The following ZNF207 variants were observed in gnomAD, a reference collection of about 807,000 sequenced individuals.
ZNF207 encodes the protein zinc finger protein 207.
Under a neutral mutation model 60.2 loss-of-function variants are expected in ZNF207, and 24 were observed. The ratio of observed to expected loss-of-function variants is 0.40; its 90% CI spans 0.29 to 0.56. The LOEUF is 0.56. Among genes scored for constraint, ZNF207 ranks in the 20% least tolerant of loss-of-function variants. The pLI, the probability that ZNF207 is intolerant of heterozygous loss-of-function variation, is 0.49. For missense variants in ZNF207, 452 were observed against 636.6 expected, an observed-to-expected ratio of 0.71 and a Z score of 3.12; for synonymous variants, 236 against 194.7, an observed-to-expected ratio of 1.21 and a Z score of -1.77.
Position 32,371,171 on chromosome 17 carries a change from T to C in ZNF207, c.*1412T>C, listed in dbSNP as rs1008106414. The C allele has an allele frequency of 6.6e-6, 1 of 152,230 alleles. No individual in the cohort carries two copies. The highest frequency in any genetic ancestry group is 1.5e-5 in the Non-Finnish European group (1 of 68,042). 9.4% of individuals were successfully genotyped at this position (152,230 alleles called of 1,614,324 possible). Reference sequence around the variant, plus strand: ...GGGTAGTTTTATGATTTTTTAGGCATCAAATAACCTATGCAAAGTATTAAT... The same window carrying C: ...GGGTAGTTTTATGATTTTTTAGGCACCAAATAACCTATGCAAAGTATTAAT... On this transcript the variant is annotated 3_prime_UTR_variant, in exon 12 of 12. Coordinates refer to ENST00000394670, the MANE Select transcript of ZNF207 (RefSeq NM_001098507.2).
chr17:32,367,251 AT>A lies in ZNF207; in HGVS notation c.921+495del, dbSNP rs1567824737. ...AATTTGGAGGGGATTATATATATATATATATATATATATATATATATATATA... is the reference window on the plus strand; with the variant it reads ...AATTTGGAGGGGATTATATATATATAATATATATATATATATATATATATA... On this transcript the variant is annotated intron_variant, in intron 9 of 11. Transcript: ENST00000394670. 1.2e-3 allele frequency among the ~76,000 whole-genome samples: 106 copies of A among 88,106 alleles called. 5 individuals are homozygous for A. Among genetic ancestry groups the A allele is most frequent in the African/African-American group, 5.2e-3 (104 of 19,908 alleles). The allele number at this position is 88,106 out of a possible 152,430, so 57.8% of individuals were successfully genotyped here.
chr17:32,368,170 T>C, intron 10 of ZNF207, 156 bp downstream of exon 10: 2 of 1,057,636 alleles, frequency 1.9e-6, no homozygotes, highest in South Asian at 3.4e-5. Context: ...TAAGAAATCA[T>C]AAAATACTTA....
At chr17:32,360,062 A>G (rs1167727353) in intron 3 of ZNF207, among the ~76,000 whole-genome samples, 2 of 152,074 alleles carry the variant, frequency 1.3e-5, no homozygotes, top group Non-Finnish European at 2.9e-5. Context: ...TGAATTCCAA[A>G]TAGAATTAGC....
Position 32,374,657 on chromosome 17 carries a change from G to T in ZNF207, c.*4898G>T, listed in dbSNP as rs1212774467. 1 of 152,214 alleles carries T rather than the reference G, an allele frequency of 6.6e-6. No individual in the cohort carries two copies. Among genetic ancestry groups the T allele is most frequent in the Non-Finnish European group, 1.5e-5 (1 of 68,054 alleles). 9.4% of individuals were successfully genotyped at this position (152,214 alleles called of 1,614,324 possible). ...TGTAGAGCCCTGTAAAGGTGGGAAG[G>T]TGGTGTCTATGTGTGTGCTTGTGTA... is the stretch of plus-strand genomic sequence containing the variant. On this transcript the variant is annotated 3_prime_UTR_variant, in exon 12 of 12. Transcript: ENST00000394670.
intron 2 of ZNF207, among the ~76,000 whole-genome samples, chr17:32,356,134 T>A (rs1419435631): frequency 6.6e-6 from 1 of 152,106 alleles, no homozygotes; most frequent in Non-Finnish European, 1.5e-5. Flanking sequence ...CCCTAAGACA[T>A]TATTAGTAAG....
intron 3 of ZNF207, 45 bp downstream of exon 3, chr17:32,358,686 A>AT (rs368787491): frequency 0.11 from 98,499 of 901,632 alleles, 48 homozygotes; most frequent in Non-Finnish European, 0.12. Flanking sequence ...ATTTTTTTTA[A>AT]TTTTTTTTTT....
chr17:32,350,186 G>A lies in ZNF207; in HGVS notation c.-100G>A. On this transcript the variant is annotated 5_prime_UTR_variant, in exon 1 of 12. Coordinates refer to ENST00000394670, the MANE Select transcript of ZNF207 (RefSeq NM_001098507.2). ...GCCATTTTGTGTCTGCTTCCTGTGG[G>A]ACGTGGTGGTAGCCGTTGGGTTGGG... The A allele has an allele frequency of 6.4e-7, 1 of 1,558,538 alleles. No individual in the cohort carries two copies. The highest frequency in any genetic ancestry group is 8.8e-7 in the Non-Finnish European group (1 of 1,131,150).
At chr17:32,362,868 A>G (rs1285816773) in intron 6 of ZNF207, 46 bp from the exon 7 acceptor site, 33 of 1,547,692 alleles carry the variant, frequency 2.1e-5, no homozygotes, top group Non-Finnish European at 2.9e-5. Flanking sequence ...TTAATGGTTT[A>G]TGCTGTTCAT....
rs61355519 is a variant in ZNF207 at position 32,371,397 on chromosome 17, A to C, written c.*1638A>C. On this transcript the variant is annotated 3_prime_UTR_variant, in exon 12 of 12. Transcript: ENST00000394670. ...ACAAAAGAGTTCGTATTTATGTGACAGATGAAAGTCATACCTTTAAGCAAA... is the reference window on the plus strand; with the variant it reads ...ACAAAAGAGTTCGTATTTATGTGACCGATGAAAGTCATACCTTTAAGCAAA... 1 of 152,158 alleles carries C rather than the reference A, an allele frequency of 6.6e-6. No individual in the cohort carries two copies. The allele number at this position is 152,158 out of a possible 1,614,324, so 9.4% of individuals were successfully genotyped here. A position where few individuals can be genotyped will look rare whatever the true frequency, so the allele number is the denominator to read the frequency against.
At chr17:32,361,834 T>C (rs1217491230) in intron 6 of ZNF207, among the ~76,000 whole-genome samples, 4 of 152,188 alleles carry the variant, frequency 2.6e-5, no homozygotes, top group African/African-American at 9.7e-5. Flanking sequence ...TATTATAGGA[T>C]GTAATGGAAT....
rs746944466 is a variant in ZNF207, at chr17:32,363,529, CTTTTTTTT to C, written c.670+566_670+573del. On this transcript the variant is annotated intron_variant, in intron 7 of 11. Transcript: ENST00000394670. ...ACAAGTAATAGAGAAATCCAACAAA[CTTTTTTTT>C]TTTTTTTTTTTTTTTTTTTTGAGAT... Among the ~76,000 whole-genome samples the C allele has an allele frequency of 9.9e-3, 686 of 69,568 alleles. 1 individual carries two copies. The highest frequency in any genetic ancestry group is 0.023 in the East Asian group (70 of 3,064). 45.6% of individuals were successfully genotyped at this position (69,568 alleles called of 152,430 possible).
At position 32,367,993 on chromosome 17, in the gene ZNF207, T is replaced by C; in HGVS notation, c.1143T>C (p.His381=). ...CTAGTGCAACCAGTAAGTTGATCCA[T>C]CCAGATGAGGATATATCCCTGGTAA... is the stretch of plus-strand genomic sequence containing the variant. The part of the protein sequence containing the change: ...TTTSATSKLI[H]PDEDISLEER... Residue 381 remains histidine (H), a synonymous_variant, in exon 10 of 12, where the codon CAT becomes CAC. Coordinates refer to ENST00000394670, the MANE Select transcript of ZNF207 (RefSeq NM_001098507.2). 1 of 1,614,192 alleles carries C rather than the reference T, an allele frequency of 6.2e-7. No individual in the cohort carries two copies. The highest frequency in any genetic ancestry group is 1.1e-5 in the South Asian group (1 of 91,086).
intron 8 of ZNF207, 42 bp from the exon 9 acceptor site, chr17:32,366,623 T>A: frequency 6.5e-7 from 1 of 1,548,760 alleles, no homozygotes; most frequent in Non-Finnish European, 8.7e-7. Context: ...TTGACCCATT[T>A]GTTTGGAGAC....
chr17:32,365,761 C>A (rs1905134307), intron 8 of ZNF207, among the ~76,000 whole-genome samples: 1 of 134,288 alleles, frequency 7.4e-6, no homozygotes, highest in African/African-American at 2.8e-5. Flanking sequence ...TTTTTTTAAG[C>A]TAATGAAAGT....
chr17:32,368,562 G>C (rs577192626), intron 10 of ZNF207: 1 of 155,174 alleles, frequency 6.4e-6, no homozygotes, highest in African/African-American at 2.4e-5. Flanking sequence ...GTAGTGGCGG[G>C]CACCTGTAAT....
chr17:32,363,529 C>CTTTTTTTTTTTTTTTTTTTTTTTTTT (rs746944466), intron 7 of ZNF207, among the ~76,000 whole-genome samples: 4 of 69,568 alleles, frequency 5.7e-5, no homozygotes, highest in Non-Finnish European at 8.4e-5. Flanking sequence ...ATCCAACAAA[C>CTTTTTTTTTTTTTTTTTTTTTTTTTT]TTTTTTTTTT....
Position 32,368,032 on chromosome 17 carries a change from T to G in ZNF207, c.1164+18T>G. ...TATCCCTGGTAAGTTGCTTTTAGTT[T>G]TCTACGAGCAGCATTTGATTTAAAG... On this transcript the variant is annotated intron_variant, in intron 10 of 11. Coordinates refer to ENST00000394670, the MANE Select transcript of ZNF207 (RefSeq NM_001098507.2). The G allele has an allele frequency of 6.2e-7, 1 of 1,612,688 alleles. No homozygotes were observed. The highest frequency in any genetic ancestry group is 8.5e-7 in the Non-Finnish European group (1 of 1,178,868).
intron 2 of ZNF207, among the ~76,000 whole-genome samples, chr17:32,357,326 TA>T (rs1904565728): frequency 5.8e-5 from 5 of 86,792 alleles, no homozygotes; most frequent in African/African-American, 1.9e-4. Flanking sequence ...TTATTATTAT[TA>T]TTATTATTAT....
At position 32,375,018 on chromosome 17, in the gene ZNF207, T is replaced by G. The variant is rs1358357422; in HGVS notation, c.*5259T>G. The G allele has an allele frequency of 2.0e-5, 3 of 152,218 alleles. No homozygotes were observed. The highest frequency in any genetic ancestry group is 2.9e-5 in the Non-Finnish European group (2 of 68,042). The allele number at this position is 152,218 out of a possible 1,614,324, so 9.4% of individuals were successfully genotyped here. A position where few individuals can be genotyped will look rare whatever the true frequency, so the allele number is the denominator to read the frequency against. On this transcript the variant is annotated 3_prime_UTR_variant, in exon 12 of 12. Coordinates refer to ENST00000394670, the MANE Select transcript of ZNF207 (RefSeq NM_001098507.2). The stretch of plus-strand genomic sequence containing the variant: ...AAAAACAAACCTGAATTACTTTTGT[T>G]TCTTGTGTTTGAGCCACGATTCTAT...
Sources: gnomAD v4.1 joint callset for allele counts (sites outside exome capture counted in the v4.1 genomes callset) on GRCh38, gnomAD v4.1.1 for gene constraint, MANE v1.5 for transcripts, NCBI Gene and HGNC (gene_info 2026-07-23, HGNC 2026-07-21) for gene names.